CARMIL2: variants seen among roughly 807,000 people sequenced by gnomAD.
CARMIL2 encodes capping protein, Arp2/3 and myosin-I linker protein 2.
In CARMIL2, 96 loss-of-function variants were observed where a neutral mutation model predicts 173.3. The observed-to-expected ratio is 0.55, with a 90% CI of 0.47 to 0.66. CARMIL2 has a LOEUF of 0.66. Among genes scored for constraint, CARMIL2 ranks in the 30% least tolerant of loss-of-function variants. CARMIL2 has a pLI of 0.00. For missense variants in CARMIL2, 1,771 were observed against 1,906.7 expected (o/e 0.93, Z 1.33); for synonymous variants, 830 against 817.1 (o/e 1.02, Z -0.27).
In CARMIL2 at chr16:67,654,503, A is replaced by C. The variant is rs769271211; in HGVS notation, c.3393A>C (p.Thr1131=). ...CAGCTCCCCGAACCCGAAAAACTAC[A>C]TTTGGCGACCTACTGCGGCCGCCAA... ...PGAAPRTRKT[T]FGDLLRPPTR... The change falls in exon 31 of 38, where the codon ACA becomes ACC. Residue 1131 remains threonine (T), a synonymous_variant. Coordinates refer to ENST00000334583, the MANE Select transcript of CARMIL2 (RefSeq NM_001013838.3). 1 of 1,612,614 alleles carries C rather than the reference A, an allele frequency of 6.2e-7. No individual in the cohort carries two copies.
rs768023051 is a variant in CARMIL2 at position 67,651,703 on chromosome 16, C to G, written c.2446C>G (p.Leu816Val). 3.7e-6 allele frequency: 6 copies of G among 1,606,826 alleles called. No individual in the cohort carries two copies. The highest frequency in any genetic ancestry group is 1.1e-5 in the South Asian group (1 of 89,990). The change falls in exon 25 of 38, where the codon CTG becomes GTG. Residue 816 changes from leucine (L) to valine (V), a missense_variant. Leu to Val is a conservative substitution (Grantham distance 32). Transcript: ENST00000334583. This position sits in a 1 kb window ranked among gnomAD's most constrained non-coding sequence, Gnocchi z 4.2. ...QDIQDFTQATLDTARSLCPQM... is the reference protein window; with the variant it reads ...QDIQDFTQATVDTARSLCPQM... ...TGTCTAGGACTTCACTCAGGCCACA[C>G]TGGACACAGCAAGGAGCCTCTGCCC...
chr16:67,654,242 G>T lies in CARMIL2; in HGVS notation c.3214G>T (p.Asp1072Tyr), dbSNP rs776012374. 1.3e-6 allele frequency: 2 copies of T among 1,567,966 alleles called. No individual in the cohort carries two copies. The highest frequency in any genetic ancestry group is 1.2e-5 in the South Asian group (1 of 85,282). ...CTTCTCCAAAAGGCTGATCCAGCAG[G>T]ATCGCCTGTGAGTGAGGGGCATCTG... The part of the protein sequence containing the change: ...EFFSKRLIQQ[D>Y]RLWAPEEDPA... The change falls in exon 30 of 38, where the codon GAT becomes TAT. Residue 1072 changes from aspartate (D) to tyrosine (Y), a missense_variant. Transcript: ENST00000334583.
rs1328692617 is a variant in CARMIL2 at position 67,652,365 on chromosome 16, T to C, written c.2817+26T>C. On this transcript the variant is annotated intron_variant, in intron 27 of 37. Coordinates refer to ENST00000334583, the MANE Select transcript of CARMIL2 (RefSeq NM_001013838.3). This position sits in a 1 kb window ranked among gnomAD's most constrained non-coding sequence, Gnocchi z 4.7. ...GTAAGTGGTTTTAGAACACGGGGCA[T>C]GGCACTCCCAGTCTTCCCATCTTGC... 2 of 1,612,702 alleles carry C rather than the reference T, an allele frequency of 1.2e-6. No individual in the cohort carries two copies. The highest frequency in any genetic ancestry group is 1.7e-5 in the Admixed American group (1 of 59,968).
rs998108691 is a variant in CARMIL2 at position 67,656,543 on chromosome 16, G to C, written c.3934G>C (p.Gly1312Arg). The change falls in exon 35 of 38, where the codon GGC becomes CGC. Residue 1312 changes from glycine (G) to arginine (R), a missense_variant. By Grantham distance (125) the Gly-to-Arg change is moderately radical. This residue lies in a region of CARMIL2 where 817 missense variants were observed against 903.5 expected (regional missense o/e 0.90). Transcript: ENST00000334583. ...TGGTTGGGGCCAACAGGATGGTCCA[G>C]GCCCTCCCTCCCCTGGTCAAAGCCC... ...SRGWGQQDGP[G>R]PPSPGQSPSP... is the part of the protein sequence containing the mutation. 3.1e-6 allele frequency: 5 copies of C among 1,613,344 alleles called. No individual in the cohort carries two copies. The highest frequency in any genetic ancestry group is 3.3e-5 in the Admixed American group (2 of 59,986).
chr16:67,654,188 GC>G lies in CARMIL2; in HGVS notation c.3163del (p.Arg1055AlafsTer14). ...ALPQEGNGLS[A>X]RVDEGVEEFF... ...GCCGCAGGAAGGGAATGGGCTCAGT[GC>G]CCGCGTGGACGAGGGCGTGGAGGAA... On this transcript the variant is annotated frameshift_variant, in exon 30 of 38. Coordinates refer to ENST00000334583, the MANE Select transcript of CARMIL2 (RefSeq NM_001013838.3). LOFTEE classifies it high-confidence loss of function. 1 of 1,568,708 alleles carries G rather than the reference GC, an allele frequency of 6.4e-7. No individual in the cohort carries two copies. Among genetic ancestry groups the G allele is most frequent in the Non-Finnish European group, 8.6e-7 (1 of 1,157,434 alleles).
At chr16:67,654,082 G>T (rs948390197) in intron 29 of CARMIL2, 67 bp from the exon 30 acceptor site, 65 of 208,944 alleles carry the variant, frequency 3.1e-4, no homozygotes, top group Non-Finnish European at 3.5e-4. Context: ...CTGCCGGCCG[G>T]GGGGGGGGGG....
rs1403438791 is a variant in CARMIL2, at chr16:67,653,496, G to C, written c.3120+242G>C. Reference sequence around the variant, plus strand: ...TGCCTGGGTGTGGGACTCCGTCTCGGGGCGGCCCGCGGCCTCCGTGGCTGC... The same window carrying C: ...TGCCTGGGTGTGGGACTCCGTCTCGCGGCGGCCCGCGGCCTCCGTGGCTGC... On this transcript the variant is annotated intron_variant, in intron 29 of 37. Transcript: ENST00000334583. The surrounding 1 kb of genome is among the most constrained non-coding windows in gnomAD (Gnocchi z 7.4). 6.6e-6 allele frequency among the ~76,000 whole-genome samples: 1 copy of C among 152,120 alleles called. No homozygotes were observed. The highest frequency in any genetic ancestry group is 1.5e-5 in the Non-Finnish European group (1 of 67,982).
rs1387557863 is a variant in CARMIL2, at chr16:67,652,245, T to C, written c.2723T>C (p.Leu908Pro). 1 of 1,613,180 alleles carries C rather than the reference T, an allele frequency of 6.2e-7. No homozygotes were observed. The stretch of plus-strand genomic sequence containing the variant: ...GCAACAGTGACAATGCCCCCTGCCC[T>C]ACCAGCACCGGATGGAGGTGAGCCC... Reference protein sequence around the residue: ...QQATVTMPPALPAPDGGEPSL... With the variant: ...QQATVTMPPAPPAPDGGEPSL... The change falls in exon 27 of 38, where the codon CTA becomes CCA. Residue 908 changes from leucine (L) to proline (P), a missense_variant. Physicochemically the swap from Leu to Pro is moderately conservative, Grantham distance 98. Transcript: ENST00000334583. The surrounding 1 kb of genome is among the most constrained non-coding windows in gnomAD (Gnocchi z 4.7).
rs761566201 is a variant in CARMIL2 at position 67,656,502 on chromosome 16, C to T, written c.3893C>T (p.Ala1298Val). The T allele has an allele frequency of 9.3e-6, 15 of 1,612,978 alleles. No individual in the cohort carries two copies. Among genetic ancestry groups the T allele is most frequent in the Admixed American group, 8.3e-5 (5 of 59,898 alleles). The change falls in exon 35 of 38, where the codon GCG (alanine) becomes GTG (valine). Residue 1298 changes from alanine to valine, a missense_variant. Ala to Val is a moderately conservative substitution (Grantham distance 64). Around this residue, in one of 3 missense-constraint regions of CARMIL2, gnomAD observed 817 missense variants for 903.5 expected, o/e 0.90. Transcript: ENST00000334583. ...AAGACACTGGGGCAGCAGTTGAATG[C>T]GGAGCTCAGGAGCCGTGGTTGGGGC... ...TWKTLGQQLNAELRSRGWGQQ... is the reference protein window; with the variant it reads ...TWKTLGQQLNVELRSRGWGQQ...
At position 67,652,862 on chromosome 16, in the gene CARMIL2, G is replaced by A. The variant is rs1050211105; in HGVS notation, c.2885-157G>A. 4.5e-4 allele frequency: 91 copies of A among 203,038 alleles called. No homozygotes were observed. The East Asian group carries it at 0.011, about 23-fold the overall frequency. 12.6% of individuals were successfully genotyped at this position (203,038 alleles called of 1,614,324 possible). A position where few individuals can be genotyped will look rare whatever the true frequency, so the allele number is the denominator to read the frequency against. Reference sequence around the variant, plus strand: ...CGCGCTCAGCACCACGGACAGCGGCGGCGGCGGGGGAGGGGCGGAGGGGCA... The same window carrying A: ...CGCGCTCAGCACCACGGACAGCGGCAGCGGCGGGGGAGGGGCGGAGGGGCA... On this transcript the variant is annotated intron_variant, in intron 28 of 37. Transcript: ENST00000334583. This position sits in a 1 kb window ranked among gnomAD's most constrained non-coding sequence, Gnocchi z 4.7.
intron 29 of CARMIL2, 66 bp from the exon 30 acceptor site, chr16:67,654,083 G>GGGC: frequency 1.9e-6 from 1 of 529,142 alleles, no homozygotes; most frequent in South Asian, 5.2e-5. Context: ...TGCCGGCCGG[G>GGGC]GGGGGGGGGG....
intron 22 of CARMIL2, chr16:67,650,651 A>G (rs191082085): frequency 2.8e-5 from 5 of 176,186 alleles, no homozygotes; most frequent in Admixed American, 1.7e-4. Context: ...AAGTGATGTC[A>G]TCGTCGCTCA....
intron 22 of CARMIL2, chr16:67,650,517 C>T (rs1481856505): frequency 6.3e-6 from 2 of 315,472 alleles, no homozygotes; most frequent in Non-Finnish European, 1.2e-5. Flanking sequence ...CATCTCCCTC[C>T]ACTACCTTAT....
chr16:67,648,030 C>G lies in CARMIL2; in HGVS notation c.1072-22C>G. On this transcript the variant is annotated intron_variant, in intron 13 of 37. Transcript: ENST00000334583. The surrounding 1 kb of genome is among the most constrained non-coding windows in gnomAD (Gnocchi z 6.1). ...CTGGGTAGGCGATCCCCCACTCCAT[C>G]GCACCCCTGTCCTCCCTCCAGGGCC... 1 of 1,609,386 alleles carries G rather than the reference C, an allele frequency of 6.2e-7. No individual in the cohort carries two copies. The highest frequency in any genetic ancestry group is 8.5e-7 in the Non-Finnish European group (1 of 1,178,014).
At chr16:67,650,214 T>C (rs971622281) in intron 22 of CARMIL2, 64 bp downstream of exon 22, 18 of 1,394,628 alleles carry the variant, frequency 1.3e-5, no homozygotes, top group Non-Finnish European at 1.8e-5. Flanking sequence ...TCCGGGAGCC[T>C]CCATGAGTCA....
In CARMIL2 at chr16:67,649,897, C is replaced by G. The variant is rs2052688605; in HGVS notation, c.2011C>G (p.Pro671Ala). The change falls in exon 21 of 38, where the codon CCT (proline) becomes GCT (alanine). Residue 671 changes from proline to alanine, a missense_variant. Coordinates refer to ENST00000334583, the MANE Select transcript of CARMIL2 (RefSeq NM_001013838.3). This position sits in a 1 kb window ranked among gnomAD's most constrained non-coding sequence, Gnocchi z 6.7. ...LEQNHSLKAMPLPLNDVAQAQ... is the reference protein window; with the variant it reads ...LEQNHSLKAMALPLNDVAQAQ... ...GCAGAACCACAGCCTGAAGGCCATG[C>G]CTCTGCCACTGAACGACGTGGCCCA... 2.5e-6 allele frequency: 4 copies of G among 1,612,828 alleles called. No homozygotes were observed. The highest frequency in any genetic ancestry group is 1.1e-5 in the South Asian group (1 of 91,074).
At position 67,653,851 on chromosome 16, in the gene CARMIL2, C is replaced by CG. The variant is rs1221489516; in HGVS notation, c.3121-293dup. Among the ~76,000 whole-genome samples the CG allele has an allele frequency of 6.6e-6, 1 of 151,986 alleles. No individual in the cohort carries two copies. Among genetic ancestry groups the CG allele is most frequent in the East Asian group, 1.9e-4 (1 of 5,158 alleles). On this transcript the variant is annotated intron_variant, in intron 29 of 37. Coordinates refer to ENST00000334583, the MANE Select transcript of CARMIL2 (RefSeq NM_001013838.3). This position sits in a 1 kb window ranked among gnomAD's most constrained non-coding sequence, Gnocchi z 7.4. Reference sequence around the variant, plus strand: ...GGTGGCAAGTGGGAACGGGTGACCCCGGGGGCACGTGAGGGCTAGGTTTGC... The same window carrying CG: ...GGTGGCAAGTGGGAACGGGTGACCCCGGGGGGCACGTGAGGGCTAGGTTTGC...
rs1749601619 is a variant in CARMIL2, at chr16:67,648,041, C to T, written c.1072-11C>T. On this transcript the variant is annotated splice_polypyrimidine_tract_variant and intron_variant, in intron 13 of 37. Transcript: ENST00000334583. The surrounding 1 kb of genome is among the most constrained non-coding windows in gnomAD (Gnocchi z 6.1). Reference sequence around the variant, plus strand: ...ATCCCCCACTCCATCGCACCCCTGTCCTCCCTCCAGGGCCTCTATAGCTTC... The same window carrying T: ...ATCCCCCACTCCATCGCACCCCTGTTCTCCCTCCAGGGCCTCTATAGCTTC... 1 of 1,610,902 alleles carries T rather than the reference C, an allele frequency of 6.2e-7. No homozygotes were observed. Among genetic ancestry groups the T allele is most frequent in the African/African-American group, 1.3e-5 (1 of 74,964 alleles).
rs2142907356 is a variant in CARMIL2, at chr16:67,645,635, T to C, written c.132+4T>C. On this transcript the variant is annotated splice_donor_region_variant and intron_variant, in intron 2 of 37. Transcript: ENST00000334583. ...TGCTGTGCAAAACCATGTCCTGGTA[T>C]GGGGCAGGGGACAGAGCCGGGGAGG... The C allele has an allele frequency of 3.7e-6, 6 of 1,613,520 alleles. No homozygotes were observed. The highest frequency in any genetic ancestry group is 5.1e-6 in the Non-Finnish European group (6 of 1,179,778).
Sources: gnomAD v4.1 joint callset for allele counts (sites outside exome capture counted in the v4.1 genomes callset) on GRCh38, gnomAD v4.1.1 for gene constraint, gnomAD v4.1.1 regional missense constraint, Gnocchi (gnomAD v3.1) non-coding constraint, MANE v1.5 for transcripts, NCBI Gene and HGNC (gene_info 2026-07-23, HGNC 2026-07-21) for gene names.